The following FBXO25 variants were observed in gnomAD, a reference collection of about 807,000 sequenced individuals.
FBXO25 encodes F-box protein 25, also known as F-box only protein 25.
FBXO25 carries 45 observed loss-of-function variants against 51.9 expected under a neutral mutation model. The observed-to-expected ratio is 0.87, with a 90% CI of 0.68 to 1.11. The LOEUF is 1.11. Among genes scored for constraint, FBXO25 ranks in the 50% most tolerant of loss-of-function variants. The pLI, the probability that FBXO25 is intolerant of heterozygous loss-of-function variation, is 0.00. For synonymous variants in FBXO25, 199 were observed against 151.0 expected (o/e 1.32, Z -2.33); for missense variants, 507 against 428.5 (o/e 1.18, Z -1.62).
intron 2 of FBXO25, among the ~76,000 whole-genome samples, chr8:417,634 G>A (rs549206000): frequency 4.6e-5 from 7 of 152,130 alleles, no homozygotes; most frequent in African/African-American, 1.2e-4. Context: ...CAGGTCATGC[G>A]CCTCTTTCCC....
At position 409,781 on chromosome 8, in the gene FBXO25, ACAAG is replaced by A. The variant is rs949684438; in HGVS notation, c.-8+2717_-8+2720del. Among the ~76,000 whole-genome samples the A allele has an allele frequency of 1.5e-3, 224 of 152,264 alleles. 1 individual carries two copies. The highest frequency in any genetic ancestry group is 5.1e-3 in the African/African-American group (211 of 41,564). On this transcript the variant is annotated intron_variant, in intron 1 of 9. Coordinates refer to ENST00000350302, the MANE Select transcript of FBXO25 (RefSeq NM_183420.2). ...CCATGTTTTTCATTTGATCTATCCT[ACAAG>A]CCCTAGAAAATTATTATTCTCAAAA... is the stretch of plus-strand genomic sequence containing the variant.
At chr8:437,322 C>A in intron 5 of FBXO25, among the ~76,000 whole-genome samples, 1 of 152,214 alleles carries the variant, frequency 6.6e-6, no homozygotes, top group Admixed American at 6.5e-5. Context: ...CAAAGCACCT[C>A]TCAGATGTGG....
chr8:409,289 C>A (rs1187161283), intron 1 of FBXO25, among the ~76,000 whole-genome samples: 5 of 152,296 alleles, frequency 3.3e-5, no homozygotes, highest in African/African-American at 1.2e-4. Context: ...CATACCATAA[C>A]AAATCTGTGA....
intron 8 of FBXO25, 120 bp downstream of exon 8, chr8:458,671 C>T (rs181380865): frequency 1.1e-6 from 1 of 927,888 alleles, no homozygotes; most frequent in East Asian, 2.6e-5. Context: ...TTTTAAAGAA[C>T]CAGGAACAAT....
chr8:451,627 T>C (rs1490453358), intron 7 of FBXO25, among the ~76,000 whole-genome samples, 174 bp downstream of exon 7: 2 of 152,244 alleles, frequency 1.3e-5, no homozygotes, highest in Admixed American at 6.5e-5. Flanking sequence ...CAATGGCTTA[T>C]AGTTGCTATT....
chr8:467,846 C>T lies in FBXO25; in HGVS notation c.988-869C>T, dbSNP rs1002379508. 4 of 1,594,376 alleles carry T rather than the reference C, an allele frequency of 2.5e-6. No homozygotes were observed. In the East Asian group the frequency reaches 6.7e-5, roughly 27 times the overall value. On this transcript the variant is annotated intron_variant, in intron 9 of 9. Transcript: ENST00000350302. The stretch of plus-strand genomic sequence containing the variant: ...TCTTGGCCACTGCCCGGCTCGATTC[C>T]AGCTCTCGCTGACTTGAGCTTTCTC...
intron 8 of FBXO25, 140 bp from the exon 9 acceptor site, chr8:462,867 A>C (rs1304536752): frequency 8.1e-5 from 81 of 1,002,314 alleles, no homozygotes; most frequent in Non-Finnish European, 1.1e-4. Context: ...CCATGTAACC[A>C]AAACCCACTT....
At chr8:434,346 G>C (rs1419307558) in intron 4 of FBXO25, among the ~76,000 whole-genome samples, 1 of 152,194 alleles carries the variant, frequency 6.6e-6, no homozygotes, top group Non-Finnish European at 1.5e-5. Context: ...CTTGGAAAGT[G>C]CCTGCTGCAC....
chr8:411,548 C>G (rs1326903004), intron 1 of FBXO25, among the ~76,000 whole-genome samples: 1 of 152,128 alleles, frequency 6.6e-6, no homozygotes, highest in Admixed American at 6.5e-5. Context: ...TCTTCTGAAC[C>G]ATGGATGTAT....
intron 2 of FBXO25, among the ~76,000 whole-genome samples, chr8:423,012 G>A (rs1178315734): frequency 7.9e-5 from 12 of 152,186 alleles, no homozygotes; most frequent in African/African-American, 1.9e-4. Flanking sequence ...GGAGCATGAC[G>A]TGAGGAACAA....
Position 476,144 on chromosome 8 carries a change from T to G in FBXO25, c.*7340T>G, listed in dbSNP as rs111593549. The G allele has an allele frequency of 1.3e-5, 2 of 152,194 alleles. No homozygotes were observed. The highest frequency in any genetic ancestry group is 4.8e-5 in the African/African-American group (2 of 41,458). The allele number at this position is 152,194 out of a possible 1,614,324, so 9.4% of individuals were successfully genotyped here. A position where few individuals can be genotyped will look rare whatever the true frequency, so the allele number is the denominator to read the frequency against. On this transcript the variant is annotated 3_prime_UTR_variant, in exon 10 of 10. Transcript: ENST00000350302. ...GAGATCACATTTTTTTCCTTCATTC[T>G]ATTAATGTAATAGACATTACATTTA...
chr8:451,477 T>C (rs763169369), intron 7 of FBXO25, 24 bp downstream of exon 7: 5 of 1,596,780 alleles, frequency 3.1e-6, no homozygotes, highest in Non-Finnish European at 1.7e-6. Flanking sequence ...GGCATAAGAG[T>C]TATTACACTC....
In FBXO25 at chr8:474,549, C is replaced by T. The variant is rs988396878; in HGVS notation, c.*5745C>T. ...CAGTTTTGCCACATCCTTGCCAACA[C>T]CTGTTTTTAATAATTGCCATCCTAA... On this transcript the variant is annotated 3_prime_UTR_variant, in exon 10 of 10. Coordinates refer to ENST00000350302, the MANE Select transcript of FBXO25 (RefSeq NM_183420.2). The T allele has an allele frequency of 5.7e-6, 2 of 350,050 alleles. No homozygotes were observed. Among genetic ancestry groups the T allele is most frequent in the Non-Finnish European group, 5.5e-6 (1 of 181,926 alleles). 21.7% of individuals were successfully genotyped at this position (350,050 alleles called of 1,614,324 possible).
chr8:460,685 A>G (rs73669397), intron 8 of FBXO25, among the ~76,000 whole-genome samples: 4,378 of 152,320 alleles, frequency 0.029, 187 homozygotes, highest in African/African-American at 0.087. Flanking sequence ...TCCCGTGAAC[A>G]CTGGTGTCAC....
At chr8:413,972 A>G (rs1796644862) in intron 2 of FBXO25, among the ~76,000 whole-genome samples, 1 of 152,174 alleles carries the variant, frequency 6.6e-6, no homozygotes, top group Admixed American at 6.5e-5. Context: ...AGGGCTAGGA[A>G]GGTCTTGAGA....
chr8:422,856 C>G (rs1162085901), intron 2 of FBXO25, among the ~76,000 whole-genome samples: 1 of 152,062 alleles, frequency 6.6e-6, no homozygotes, highest in Non-Finnish European at 1.5e-5. Flanking sequence ...CTATATGGAG[C>G]TTTCTATGGT....
Position 463,120 on chromosome 8 carries a change from C to G in FBXO25, c.957C>G (p.Phe319Leu). The change falls in exon 9 of 10, where the codon TTC becomes TTG. Residue 319 changes from phenylalanine (F) to leucine (L), a missense_variant. Transcript: ENST00000350302. Reference protein sequence around the residue: ...AKEQYGDTLHFCRHCSILFWK... With the variant: ...AKEQYGDTLHLCRHCSILFWK... ...AGCAGTACGGAGACACACTGCATTT[C>G]TGTCGGCACTGCAGCATTCTCTTTT... is the stretch of plus-strand genomic sequence containing the variant. 1 of 1,613,360 alleles carries G rather than the reference C, an allele frequency of 6.2e-7. No homozygotes were observed. The highest frequency in any genetic ancestry group is 8.5e-7 in the Non-Finnish European group (1 of 1,179,892).
In FBXO25 at chr8:469,060, C is replaced by G. The variant is rs552157978; in HGVS notation, c.*256C>G. 141 of 445,720 alleles carry G rather than the reference C, an allele frequency of 3.2e-4. No individual in the cohort carries two copies. Among genetic ancestry groups the G allele is most frequent in the East Asian group, 5.6e-4 (14 of 25,058 alleles). The allele number at this position is 445,720 out of a possible 1,614,324, so 27.6% of individuals were successfully genotyped here. A position where few individuals can be genotyped will look rare whatever the true frequency, so the allele number is the denominator to read the frequency against. On this transcript the variant is annotated 3_prime_UTR_variant, in exon 10 of 10. Transcript: ENST00000350302. ...TAAAATGTGAAATTTTGCGTACTCT[C>G]TCTCTCTATATATATAGTTCAAAAA...
Position 427,699 on chromosome 8 carries a change from A to G in FBXO25, c.135-3642A>G, listed in dbSNP as rs190204650. The stretch of plus-strand genomic sequence containing the variant: ...TGTATTATTTTTTATTATGTGTAGT[A>G]TAGTACTTTAATAATTATTAAAACA... On this transcript the variant is annotated intron_variant, in intron 2 of 9. Transcript: ENST00000350302. Among the ~76,000 whole-genome samples, 1,417 of 149,274 alleles carry G rather than the reference A, an allele frequency of 9.5e-3. 70 individuals carry two copies. Among genetic ancestry groups the G allele is most frequent in the African/African-American group, 0.022 (898 of 40,238 alleles).
Sources: allele counts gnomAD v4.1 joint callset (sites outside exome capture counted in the v4.1 genomes callset), GRCh38; gene constraint gnomAD v4.1.1; transcripts MANE v1.5; gene names NCBI Gene and HGNC (gene_info 2026-07-23, HGNC 2026-07-21).